The following SLC2A13 variants were observed in gnomAD, a reference collection of about 807,000 sequenced individuals.
SLC2A13 encodes proton myo-inositol cotransporter.
Under a neutral mutation model 64.4 loss-of-function variants are expected in SLC2A13, and 32 were observed. The ratio of observed to expected loss-of-function variants is 0.50; its 90% confidence interval spans 0.37 to 0.67. SLC2A13 has a LOEUF of 0.67. Among genes scored for constraint, SLC2A13 ranks in the 30% least tolerant of loss-of-function variants. The pLI, the probability that SLC2A13 is intolerant of heterozygous loss-of-function variation, is 0.00. For missense variants in SLC2A13, 743 were observed against 829.2 expected (o/e 0.90, Z 1.28); for synonymous variants, 338 against 327.1 (o/e 1.03, Z -0.36).
intron 7 of SLC2A13, among the ~76,000 whole-genome samples, chr12:39,796,318 A>G (rs1941573344): frequency 6.6e-6 from 1 of 151,428 alleles, no homozygotes; most frequent in African/African-American, 2.4e-5. Context: ...TTCTGGGTGC[A>G]GTGGCACATG....
At chr12:39,998,513 G>A (rs555871743) in intron 3 of SLC2A13, among the ~76,000 whole-genome samples, 3 of 152,308 alleles carry the variant, frequency 2.0e-5, no homozygotes, top group South Asian at 4.1e-4. Flanking sequence ...AGATCATTTT[G>A]GAGCTTTAAA....
intron 1 of SLC2A13, among the ~76,000 whole-genome samples, chr12:40,072,482 G>A (rs1937998914): frequency 6.6e-6 from 1 of 151,998 alleles, no homozygotes; most frequent in Non-Finnish European, 1.5e-5. Flanking sequence ...CTGATAGAAG[G>A]GTAATGAAGT....
intron 3 of SLC2A13, among the ~76,000 whole-genome samples, chr12:39,954,285 C>T (rs1316143492): frequency 6.6e-6 from 1 of 152,140 alleles, no homozygotes; most frequent in Non-Finnish European, 1.5e-5. Flanking sequence ...AAAGATGCAG[C>T]TCAGAATACA....
intron 4 of SLC2A13, among the ~76,000 whole-genome samples, chr12:39,908,676 T>C (rs1945354329): frequency 6.6e-6 from 1 of 151,832 alleles, no homozygotes; most frequent in South Asian, 2.1e-4. Flanking sequence ...AGGATCCTGG[T>C]GTTAAGAGTT....
At chr12:39,762,743 C>T (rs374551272) in intron 9 of SLC2A13, among the ~76,000 whole-genome samples, 2 of 151,980 alleles carry the variant, frequency 1.3e-5, no homozygotes. Context: ...AAATGAGACA[C>T]AAAAAGGGAG....
chr12:39,895,985 CATTCATATATGTGTATAT>C (rs1944812961), intron 4 of SLC2A13, among the ~76,000 whole-genome samples: 3 of 143,854 alleles, frequency 2.1e-5, no homozygotes, highest in African/African-American at 8.4e-5. Flanking sequence ...TGTATACATA[CATTCATATATGTGTATAT>C]ATACATGTGT....
At chr12:39,994,258 C>T (rs908245597) in intron 3 of SLC2A13, among the ~76,000 whole-genome samples, 24 of 151,866 alleles carry the variant, frequency 1.6e-4, no homozygotes, top group Non-Finnish European at 2.2e-4. Flanking sequence ...GTGGCAGGCA[C>T]TGTAGTCCCA....
chr12:39,781,457 G>T lies in SLC2A13; in HGVS notation c.1446-16599C>A, dbSNP rs76479532. ...CCATTGTCACCACTATGCCCCAGGG[G>T]CTAGTACAGTGACATGCACACAGTT... On this transcript the variant is annotated intron_variant, in intron 7 of 9. Transcript: ENST00000280871. Among the ~76,000 whole-genome samples, 14 of 152,306 alleles carry T rather than the reference G, an allele frequency of 9.2e-5. No homozygotes were observed. In the East Asian group the frequency reaches 1.5e-3, roughly 17 times the overall value.
Position 40,078,827 on chromosome 12 carries a change from TC to T in SLC2A13, c.556+26425del, listed in dbSNP as rs555634767. Reference sequence around the variant, plus strand: ...ATTTCAGAACTCATTATTGATCTGTTCAAGTATTCCATTTCTTCCTAGTTCA... The same window carrying T: ...ATTTCAGAACTCATTATTGATCTGTTAAGTATTCCATTTCTTCCTAGTTCA... On this transcript the variant is annotated intron_variant, in intron 1 of 9. Transcript: ENST00000280871. Among the ~76,000 whole-genome samples the T allele has an allele frequency of 5.0e-3, 763 of 152,326 alleles. 1 individual carries two copies. Among genetic ancestry groups the T allele is most frequent in the Non-Finnish European group, 9.0e-3 (612 of 68,018 alleles).
chr12:39,921,386 CTG>C lies in SLC2A13; in HGVS notation c.1034+29869_1034+29870del, dbSNP rs530978883. ...GAAAGGGAGCTCTCTCCTGCCCTGG[CTG>C]TCACATTTTACCCTGTTCAGGTACC... is the stretch of plus-strand genomic sequence containing the variant. On this transcript the variant is annotated intron_variant, in intron 4 of 9. Coordinates refer to ENST00000280871, the MANE Select transcript of SLC2A13 (RefSeq NM_052885.4). Among the ~76,000 whole-genome samples, 20 of 152,214 alleles carry C rather than the reference CTG, an allele frequency of 1.3e-4. No individual in the cohort carries two copies. The East Asian group carries it at 3.9e-3, about 29-fold the overall frequency.
intron 9 of SLC2A13, among the ~76,000 whole-genome samples, chr12:39,762,325 C>T (rs1340910670): frequency 1.3e-5 from 2 of 149,674 alleles, no homozygotes; most frequent in African/African-American, 2.4e-5. Flanking sequence ...AGATATTCCT[C>T]ACCTTTATTC....
intron 7 of SLC2A13, among the ~76,000 whole-genome samples, chr12:39,783,098 C>T (rs940426286): frequency 2.0e-5 from 3 of 152,036 alleles, no homozygotes; most frequent in Non-Finnish European, 4.4e-5. Flanking sequence ...TCAAGTCCCA[C>T]CTATGAGTGA....
At chr12:40,051,583 G>A (rs1165508127) in intron 1 of SLC2A13, among the ~76,000 whole-genome samples, 3 of 152,170 alleles carry the variant, frequency 2.0e-5, no homozygotes, top group Admixed American at 6.6e-5. Flanking sequence ...GACCGGCCCA[G>A]CCTGAAGAGT....
intron 4 of SLC2A13, among the ~76,000 whole-genome samples, chr12:39,917,392 T>C (rs1288784998): frequency 1.3e-5 from 2 of 152,066 alleles, no homozygotes; most frequent in African/African-American, 2.4e-5. Context: ...TCTCTGTAGG[T>C]AGTTCAGTGT....
intron 6 of SLC2A13, among the ~76,000 whole-genome samples, chr12:39,849,374 A>C (rs1044100287): frequency 4.6e-5 from 7 of 152,110 alleles, no homozygotes; most frequent in African/African-American, 1.7e-4. Flanking sequence ...TCTCAGAGTT[A>C]ATGCTTCATC....
intron 7 of SLC2A13, among the ~76,000 whole-genome samples, chr12:39,803,448 G>A (rs1022937200): frequency 6.6e-6 from 1 of 152,046 alleles, no homozygotes. Flanking sequence ...AAATAAGCAT[G>A]AGTATAATTA....
At chr12:39,941,452 G>T (rs188804517) in intron 4 of SLC2A13, among the ~76,000 whole-genome samples, 301 of 152,122 alleles carry the variant, frequency 2.0e-3, no homozygotes, top group African/African-American at 6.9e-3. Context: ...TTGATTTTTT[G>T]ATCATGGCCA....
At chr12:39,876,356 A>G (rs1034354540) in intron 4 of SLC2A13, among the ~76,000 whole-genome samples, 1 of 152,218 alleles carries the variant, frequency 6.6e-6, no homozygotes, top group Non-Finnish European at 1.5e-5. Context: ...TGAATACTTC[A>G]TATGCTTAAC....
At chr12:39,890,369 G>C (rs907725486) in intron 4 of SLC2A13, among the ~76,000 whole-genome samples, 1 of 151,970 alleles carries the variant, frequency 6.6e-6, no homozygotes, top group Non-Finnish European at 1.5e-5. Flanking sequence ...CAAAGCTATC[G>C]GTGTCCTACT....
Sources: gnomAD v4.1 joint callset for allele counts (sites outside exome capture counted in the v4.1 genomes callset) on GRCh38, gnomAD v4.1.1 for gene constraint, MANE v1.5 for transcripts, NCBI Gene and HGNC (gene_info 2026-07-23, HGNC 2026-07-21) for gene names.